SEL1L3: variants seen among roughly 807,000 people sequenced by gnomAD.
SEL1L3 encodes the protein SEL1L family member 3, also known as protein sel-1 homolog 3.
Under a neutral mutation model 142.8 loss-of-function variants are expected in SEL1L3, and 76 were observed. The ratio of observed to expected loss-of-function variants is 0.53; its 90% CI spans 0.44 to 0.64. The LOEUF (loss-of-function observed/expected upper bound fraction) is 0.64, where lower values mean the gene tolerates loss of function less well. Among genes scored for constraint, SEL1L3 ranks in the 30% least tolerant of loss-of-function variants. The pLI is 0.00. For synonymous variants in SEL1L3, 504 were observed against 519.6 expected (o/e 0.97, Z 0.41); for missense variants, 1,262 against 1,381.7 (o/e 0.91, Z 1.37).
intron 1 of SEL1L3, among the ~76,000 whole-genome samples, chr4:25,856,608 A>C (rs6844430): frequency 0.099 from 14,941 of 151,088 alleles, 2,496 homozygotes; most frequent in African/African-American, 0.35. Flanking sequence ...AAAAAAAAAA[A>C]AAAAACAAAG....
intron 15 of SEL1L3, among the ~76,000 whole-genome samples, chr4:25,781,519 TC>T (rs1192837189): frequency 6.6e-6 from 1 of 152,156 alleles, no homozygotes; most frequent in Non-Finnish European, 1.5e-5. Context: ...ACGCCTGTAA[TC>T]CCAGTTACTC....
At position 25,822,218 on chromosome 4, in the gene SEL1L3, C is replaced by T. The variant is rs1168640466; in HGVS notation, c.1158-90G>A. The T allele has an allele frequency of 4.1e-6, 6 of 1,476,580 alleles. No homozygotes were observed. In the East Asian group the frequency reaches 9.1e-5, roughly 22 times the overall value. The allele number at this position is 1,476,580 out of a possible 1,614,324, so 91.5% of individuals were successfully genotyped here. On this transcript the variant is annotated intron_variant, in intron 6 of 23. Coordinates refer to ENST00000399878, the MANE Select transcript of SEL1L3 (RefSeq NM_015187.5). ...CTTTCCTAGACCCTCCTTGACTTAA[C>T]CCAAATTGCCCCAAGCCCTTCACTC...
chr4:25,766,070 T>C (rs1718705328), intron 19 of SEL1L3, among the ~76,000 whole-genome samples: 1 of 152,230 alleles, frequency 6.6e-6, no homozygotes, highest in Admixed American at 6.5e-5. Context: ...TGTTCATCTT[T>C]GATGTCTGTT....
chr4:25,756,245 T>C, intron 23 of SEL1L3: 5 of 985,374 alleles, frequency 5.1e-6, no homozygotes, highest in Non-Finnish European at 6.0e-6. Flanking sequence ...CCGTCCGAGA[T>C]GGTAAAAAAT....
upstream of SEL1L3, chr4:25,863,001 G>T: frequency 4.1e-6 from 1 of 242,560 alleles, no homozygotes; most frequent in Non-Finnish European, 5.9e-6. Context: ...CGCTCCCGCC[G>T]TCGCCGCCCC....
At chr4:25,819,995 A>T in intron 7 of SEL1L3, 55 bp from the exon 8 acceptor site, 1 of 1,521,432 alleles carries the variant, frequency 6.6e-7, no homozygotes, top group Non-Finnish European at 9.0e-7. Context: ...ATATCCATCC[A>T]CCTCTAGGAG....
Position 25,849,908 on chromosome 4 carries a change from A to G in SEL1L3, c.163-2044T>C, listed in dbSNP as rs868380271. Among the ~76,000 whole-genome samples the G allele has an allele frequency of 9.2e-5, 14 of 152,232 alleles. No homozygotes were observed. In the South Asian group the frequency reaches 2.1e-3, roughly 23 times the overall value. ...AAACTGTAAACAAGCCCAAGGGTGC[A>G]TAGCACTGAGAGAGAATAATTCTAA... On this transcript the variant is annotated intron_variant, in intron 1 of 23. Coordinates refer to ENST00000399878, the MANE Select transcript of SEL1L3 (RefSeq NM_015187.5).
rs574840809 is a variant in SEL1L3, at chr4:25,752,606, C to T, written c.3260-4042G>A. 1.4e-4 allele frequency among the ~76,000 whole-genome samples: 21 copies of T among 152,142 alleles called. No individual in the cohort carries two copies. The East Asian group carries it at 3.5e-3, about 25-fold the overall frequency. On this transcript the variant is annotated intron_variant, in intron 23 of 23. Transcript: ENST00000399878. ...CAGAGGACATACTCCTTGAGAACTA[C>T]CAGCTAACATTTGTGGTTTTGTTTT...
At chr4:25,734,765 C>T in the SEL1L3 span, among the ~76,000 whole-genome samples, 5 of 152,006 alleles carry the variant, frequency 3.3e-5, no homozygotes, top group East Asian at 1.9e-4. Context: ...TACAGGGTTT[C>T]GCCATGTTGG....
At chr4:25,819,535 C>A (rs1356784591) in intron 8 of SEL1L3, among the ~76,000 whole-genome samples, 6 of 152,216 alleles carry the variant, frequency 3.9e-5, no homozygotes. Flanking sequence ...GCACAAAACA[C>A]TCGCTTTCAT....
chr4:25,853,982 T>A (rs1717074889), intron 1 of SEL1L3, among the ~76,000 whole-genome samples: 1 of 152,188 alleles, frequency 6.6e-6, no homozygotes, highest in Non-Finnish European at 1.5e-5. Context: ...TCTCTTTACT[T>A]TTTTAACATA....
chr4:25,814,636 C>T (rs933100452), intron 9 of SEL1L3, among the ~76,000 whole-genome samples: 6 of 151,740 alleles, frequency 4.0e-5, no homozygotes, highest in Admixed American at 2.6e-4. Flanking sequence ...TAGGGCCAGA[C>T]GCTGTGGGCA....
rs755104137 is a variant in SEL1L3, at chr4:25,782,263, A to G, written c.2436T>C (p.Pro812=). Residue 812 remains proline, a synonymous_variant, in exon 15 of 24, where the codon CCT becomes CCC. Coordinates refer to ENST00000399878, the MANE Select transcript of SEL1L3 (RefSeq NM_015187.5). ...TCACTTGATTCCTTCCAGGAACTCC[A>G]GGGAAGATGCCATCCAAATGCAGGA... ...LGVLHLDGIF[P]GVPGRNQTLA... 1.9e-6 allele frequency: 3 copies of G among 1,613,738 alleles called. No homozygotes were observed. The highest frequency in any genetic ancestry group is 1.1e-5 in the South Asian group (1 of 91,058).
intron 13 of SEL1L3, among the ~76,000 whole-genome samples, 175 bp from the exon 14 acceptor site, chr4:25,784,465 T>C (rs1165317649): frequency 6.6e-6 from 1 of 152,234 alleles, no homozygotes; most frequent in African/African-American, 2.4e-5. Context: ...ATCATTATTA[T>C]TTTGCTTATA....
At chr4:25,745,281 G>C (rs149826448), downstream of SEL1L3, among the ~76,000 whole-genome samples, 2,054 of 152,186 alleles carry the variant, frequency 0.013, 43 homozygotes, top group African/African-American at 0.047. Context: ...TGTAATCCCA[G>C]CTACTTGGGA....
chr4:25,819,737 T>C, intron 8 of SEL1L3, 71 bp downstream of exon 8: 4 of 1,459,016 alleles, frequency 2.7e-6, no homozygotes, highest in East Asian at 2.3e-5. Context: ...AATCCTGTTA[T>C]GGAGAAGCCA....
chr4:25,793,169 A>T (rs1478802242), intron 11 of SEL1L3, among the ~76,000 whole-genome samples: 1 of 152,214 alleles, frequency 6.6e-6, no homozygotes, highest in Non-Finnish European at 1.5e-5. Context: ...CAAATTGAGG[A>T]GTCAAATCCA....
chr4:25,796,639 C>T, intron 11 of SEL1L3, among the ~76,000 whole-genome samples: 1 of 151,570 alleles, frequency 6.6e-6, no homozygotes, highest in Non-Finnish European at 1.5e-5. Context: ...CTAAAAATGC[C>T]CAAAATTAGC....
At chr4:25,821,329 G>A (rs780764902) in intron 7 of SEL1L3, among the ~76,000 whole-genome samples, 15 of 152,182 alleles carry the variant, frequency 9.9e-5, no homozygotes, top group Non-Finnish European at 1.8e-4. Context: ...TTCTCTTTCA[G>A]GTATCAGGTG....
Sources: allele counts gnomAD v4.1 joint callset (sites outside exome capture counted in the v4.1 genomes callset), GRCh38; gene constraint gnomAD v4.1.1; transcripts MANE v1.5; gene names NCBI Gene and HGNC (gene_info 2026-07-23, HGNC 2026-07-21).